IFT81: variants seen among roughly 807,000 people sequenced by gnomAD.
IFT81 encodes the protein intraflagellar transport protein 81 homolog.
Under a neutral mutation model 102.6 loss-of-function variants are expected in IFT81, and 72 were observed. That is an observed-to-expected ratio of 0.70 (90% CI 0.58 to 0.85). The LOEUF (loss-of-function observed/expected upper bound fraction) is 0.85. Ranked by LOEUF, IFT81 falls within the 40% of genes least tolerant of loss-of-function variation. IFT81 has a pLI of 0.00. For synonymous variants in IFT81, 237 were observed against 242.7 expected (o/e 0.98, Z 0.22); for missense variants, 723 against 787.3 (o/e 0.92, Z 0.98).
At chr12:110,188,898 C>T (rs1897672258) in intron 12 of IFT81, among the ~76,000 whole-genome samples, 2 of 151,712 alleles carry the variant, frequency 1.3e-5, no homozygotes, top group Non-Finnish European at 2.9e-5. Context: ...CACTGCACTC[C>T]ACCCTGGGTG....
Position 110,129,223 on chromosome 12 carries a change from T to G in IFT81, c.429+93T>G. 6.3e-6 allele frequency: 6 copies of G among 954,344 alleles called. 1 individual carries two copies. 59.1% of individuals were successfully genotyped at this position (954,344 alleles called of 1,614,324 possible). On this transcript the variant is annotated intron_variant, in intron 4 of 18. Coordinates refer to ENST00000242591, the MANE Select transcript of IFT81 (RefSeq NM_014055.4). Reference sequence around the variant, plus strand: ...TTACTCTTTTTTTATTTGCTGTCTTTGTAGTTCCAAGTGGCACAAGAAGAT... The same window carrying G: ...TTACTCTTTTTTTATTTGCTGTCTTGGTAGTTCCAAGTGGCACAAGAAGAT...
At chr12:110,166,073 C>G (rs1278043998) in intron 11 of IFT81, among the ~76,000 whole-genome samples, 1 of 152,178 alleles carries the variant, frequency 6.6e-6, no homozygotes, top group Admixed American at 6.5e-5. Flanking sequence ...CCTCTTTATA[C>G]TCAGCTGTAA....
intron 10 of IFT81, among the ~76,000 whole-genome samples, chr12:110,149,490 C>G (rs1291010333): frequency 2.0e-5 from 3 of 152,168 alleles, no homozygotes; most frequent in Non-Finnish European, 4.4e-5. Flanking sequence ...AGACCCCTAC[C>G]TTATCACAAG....
At chr12:110,193,653 A>G (rs900422902) in intron 14 of IFT81, among the ~76,000 whole-genome samples, 20 of 152,336 alleles carry the variant, frequency 1.3e-4, no homozygotes, top group African/African-American at 4.6e-4. Context: ...AACTACAAAA[A>G]TACATTATGA....
chr12:110,166,731 T>C (rs1251677189), intron 11 of IFT81, among the ~76,000 whole-genome samples: 4 of 150,892 alleles, frequency 2.7e-5, no homozygotes, highest in Non-Finnish European at 4.5e-5. Context: ...CCCATTCCTA[T>C]AGTGCCTTGG....
Position 110,190,923 on chromosome 12 carries a change from A to G in IFT81, c.1342A>G (p.Thr448Ala). ...RHENIQQQLQTMEEKKGISGY... is the reference protein window; with the variant it reads ...RHENIQQQLQAMEEKKGISGY... ...CCTTTTTATTTTTTACTTATAGCAA[A>G]CTATGGAGGAGAAAAAGGGTATATC... is the stretch of plus-strand genomic sequence containing the variant. Residue 448 changes from threonine to alanine, a missense_variant, in exon 13 of 19, where the codon ACT becomes GCT. By Grantham distance (58) the Thr-to-Ala change is moderately conservative (BLOSUM62 0). Coordinates refer to ENST00000242591, the MANE Select transcript of IFT81 (RefSeq NM_014055.4). The G allele has an allele frequency of 6.5e-7, 1 of 1,534,072 alleles. No individual in the cohort carries two copies. The highest frequency in any genetic ancestry group is 8.7e-7 in the Non-Finnish European group (1 of 1,145,072).
At position 110,186,492 on chromosome 12, in the gene IFT81, T is replaced by A. The variant is rs556368376; in HGVS notation, c.1339-4428T>A. ...TTATTATGTCTTTCTTTCCTTTCTT[T>A]CTTTCTTTTTTTATTTGTTTGTTTT... On this transcript the variant is annotated intron_variant, in intron 12 of 18. Coordinates refer to ENST00000242591, the MANE Select transcript of IFT81 (RefSeq NM_014055.4). Among the ~76,000 whole-genome samples the A allele has an allele frequency of 8.1e-4, 122 of 151,280 alleles. 2 individuals carry two copies. The South Asian group carries it at 0.024, about 29-fold the overall frequency.
chr12:110,211,249 G>A (rs1267449085), intron 18 of IFT81, among the ~76,000 whole-genome samples: 1 of 150,018 alleles, frequency 6.7e-6, no homozygotes, highest in Non-Finnish European at 1.5e-5. Context: ...GAGTGCAGTG[G>A]TGCAATCTCA....
intron 5 of IFT81, among the ~76,000 whole-genome samples, chr12:110,134,514 A>G (rs1894366425): frequency 6.6e-6 from 1 of 152,236 alleles, no homozygotes. Context: ...TGAAAATACC[A>G]TAGCCTTAAA....
intron 18 of IFT81, chr12:110,216,700 AT>A (rs1398049246): frequency 2.3e-6 from 1 of 426,772 alleles, no homozygotes; most frequent in African/African-American, 2.1e-5. Flanking sequence ...ATATTTTTGT[AT>A]TTTTAGTACA....
At chr12:110,140,409 C>T (rs1894817868) in intron 8 of IFT81, among the ~76,000 whole-genome samples, 2 of 152,188 alleles carry the variant, frequency 1.3e-5, no homozygotes, top group African/African-American at 2.4e-5. Flanking sequence ...CTCACTCTTG[C>T]CCCCTTCTGC....
At chr12:110,213,535 G>C (rs1284498228) in intron 18 of IFT81, among the ~76,000 whole-genome samples, 10 of 152,134 alleles carry the variant, frequency 6.6e-5, no homozygotes, top group Admixed American at 6.5e-4. Context: ...TCATTTCCTA[G>C]ATCCTTAATT....
At chr12:110,159,426 C>G (rs935346137) in intron 10 of IFT81, among the ~76,000 whole-genome samples, 1 of 152,184 alleles carries the variant, frequency 6.6e-6, no homozygotes, top group Non-Finnish European at 1.5e-5. Context: ...GGCCACTGCA[C>G]TCCAGCCTGA....
chr12:110,218,403 A>G lies in IFT81; in HGVS notation c.*177A>G. The G allele has an allele frequency of 2.1e-6, 1 of 467,802 alleles. No individual in the cohort carries two copies. Among genetic ancestry groups the G allele is most frequent in the East Asian group, 3.6e-5 (1 of 27,996 alleles). 29.0% of individuals were successfully genotyped at this position (467,802 alleles called of 1,614,324 possible). A position where few individuals can be genotyped will look rare whatever the true frequency, so the allele number is the denominator to read the frequency against. On this transcript the variant is annotated 3_prime_UTR_variant, in exon 19 of 19. Transcript: ENST00000242591. ...AGATTTAGTTTGAATGTTTTTTCAT[A>G]TGAAAAAGAGGCTTTTATTCTTTTC...
At chr12:110,217,198 C>T (rs1419208310) in intron 18 of IFT81, among the ~76,000 whole-genome samples, 1 of 152,036 alleles carries the variant, frequency 6.6e-6, no homozygotes, top group East Asian at 1.9e-4. Flanking sequence ...GCACACGCCA[C>T]CATGCCCTGC....
At chr12:110,191,229 G>C (rs904487145) in intron 13 of IFT81, among the ~76,000 whole-genome samples, 181 bp downstream of exon 13, 2 of 150,694 alleles carry the variant, frequency 1.3e-5, no homozygotes, top group Non-Finnish European at 2.9e-5. Flanking sequence ...AGAGTGCAGT[G>C]GCATGAATTT....
Position 110,218,176 on chromosome 12 carries a change from T to G in IFT81, c.1981T>G (p.Ser661Ala). Reference sequence around the variant, plus strand: ...CTTTCTGAAACAACAAAGCCAAACTTCCATTGGTCAGGTAATTCAGGAGGG... The same window carrying G: ...CTTTCTGAAACAACAAAGCCAAACTGCCATTGGTCAGGTAATTCAGGAGGG... ...QCFLKQQSQT[S>A]IGQVIQEGGE... The change falls in exon 19 of 19, where the codon TCC becomes GCC. Residue 661 changes from serine (S) to alanine (A), a missense_variant. Ser to Ala is a moderately conservative substitution (Grantham distance 99, BLOSUM62 1). Transcript: ENST00000242591. 1 of 1,584,654 alleles carries G rather than the reference T, an allele frequency of 6.3e-7. No homozygotes were observed. Among genetic ancestry groups the G allele is most frequent in the Non-Finnish European group, 8.5e-7 (1 of 1,171,122 alleles).
At chr12:110,211,075 G>T (rs1304467601) in intron 18 of IFT81, among the ~76,000 whole-genome samples, 4 of 150,420 alleles carry the variant, frequency 2.7e-5, no homozygotes, top group African/African-American at 9.8e-5. Flanking sequence ...TATTGCCCAG[G>T]CTCTTAATCT....
Position 110,174,412 on chromosome 12 carries a change from A to G in IFT81, c.1189-6010A>G, listed in dbSNP as rs182492235. ...GGAGGTTGCAGTGACCCGAGATTGC[A>G]CCATTGCATTCCAGCCTGGGAGACA... On this transcript the variant is annotated intron_variant, in intron 11 of 18. Coordinates refer to ENST00000242591, the MANE Select transcript of IFT81 (RefSeq NM_014055.4). Among the ~76,000 whole-genome samples the G allele has an allele frequency of 6.8e-3, 992 of 146,038 alleles. 5 individuals are homozygous for G. Among genetic ancestry groups the G allele is most frequent in the Middle Eastern group, 0.011 (3 of 280 alleles).
Sources: gnomAD v4.1 joint callset for allele counts (sites outside exome capture counted in the v4.1 genomes callset) on GRCh38, gnomAD v4.1.1 for gene constraint, MANE v1.5 for transcripts, NCBI Gene and HGNC (gene_info 2026-07-23, HGNC 2026-07-21) for gene names.